NFXL1: variants seen among roughly 807,000 people sequenced by gnomAD.
NFXL1 encodes the protein nuclear transcription factor, X-box binding like 1.
A neutral mutation model predicts 123.3 loss-of-function variants in NFXL1; 66 were observed. The ratio of observed to expected loss-of-function variants is 0.54; its 90% CI spans 0.44 to 0.66. The LOEUF (loss-of-function observed/expected upper bound fraction) is 0.66, where lower values mean the gene tolerates loss of function less well. Among genes scored for constraint, NFXL1 ranks in the 30% least tolerant of loss-of-function variants. The probability of loss-of-function intolerance (pLI) is 0.00; values close to 1 mark genes in which losing one functional copy is unlikely to be tolerated. For missense variants in NFXL1, 944 were observed against 1,125.6 expected, an observed-to-expected ratio of 0.84 and a Z score of 2.31; for synonymous variants, 346 against 360.8, an observed-to-expected ratio of 0.96 and a Z score of 0.46.
intron 11 of NFXL1, among the ~76,000 whole-genome samples, chr4:47,891,079 C>A (rs924475783): frequency 1.3e-5 from 2 of 151,394 alleles, no homozygotes; most frequent in South Asian, 4.2e-4. Flanking sequence ...CGTATAGATT[C>A]ATTTGGCAGT....
chr4:47,862,172 G>T (rs1734805266), intron 19 of NFXL1, among the ~76,000 whole-genome samples: 1 of 152,162 alleles, frequency 6.6e-6, no homozygotes, highest in African/African-American at 2.4e-5. Flanking sequence ...TCACTAGTGA[G>T]TTTCTTTACC....
intron 12 of NFXL1, 42 bp downstream of exon 12, chr4:47,890,571 C>T (rs1736707299): frequency 9.3e-7 from 1 of 1,074,208 alleles, no homozygotes; most frequent in African/African-American, 1.6e-5. Flanking sequence ...AAAACCACTA[C>T]ATCACTACAA....
chr4:47,877,206 G>A (rs1488578181), intron 17 of NFXL1: 6 of 457,056 alleles, frequency 1.3e-5, no homozygotes, highest in Non-Finnish European at 2.6e-5. Context: ...AAAACAAAGA[G>A]TATACTTAGA....
rs1288593335 is a variant in NFXL1, at chr4:47,914,075, G to A, written c.129C>T (p.Gly43=). 2 of 1,550,020 alleles carry A rather than the reference G, an allele frequency of 1.3e-6. No individual in the cohort carries two copies. The highest frequency in any genetic ancestry group is 2.7e-5 in the African/African-American group (2 of 73,008). Reference sequence around the variant, plus strand: ...CGGGACTGGTGCCAGAAGGAACTGCGCCCACCGACCCCTTCTCTCGCCCTC... The same window carrying A: ...CGGGACTGGTGCCAGAAGGAACTGCACCCACCGACCCCTTCTCTCGCCCTC... ...AGGGREKGSV[G]AVPSGTSPGG... The change falls in exon 2 of 23, where the codon GGC becomes GGT. Residue 43 remains glycine (G), a synonymous_variant. Transcript: ENST00000507489.
intron 18 of NFXL1, among the ~76,000 whole-genome samples, chr4:47,874,827 A>T (rs970819391): frequency 6.6e-6 from 1 of 152,242 alleles, no homozygotes; most frequent in South Asian, 2.1e-4. Flanking sequence ...CTAATTTGAC[A>T]TAGTCAAACT....
intron 11 of NFXL1, among the ~76,000 whole-genome samples, chr4:47,891,755 G>A (rs1251549170): frequency 1.3e-5 from 2 of 152,030 alleles, no homozygotes; most frequent in Non-Finnish European, 2.9e-5. Context: ...TTATTAAAAA[G>A]CAATTAAGTC....
At chr4:47,910,642 GA>G (rs1426992534) in intron 3 of NFXL1, among the ~76,000 whole-genome samples, 181 bp downstream of exon 3, 1 of 152,092 alleles carries the variant, frequency 6.6e-6, no homozygotes, top group Non-Finnish European at 1.5e-5. Flanking sequence ...TTGCTTTATA[GA>G]AAAATTAGTG....
intron 19 of NFXL1, among the ~76,000 whole-genome samples, chr4:47,859,560 C>T (rs1047992456): frequency 6.6e-6 from 1 of 151,958 alleles, no homozygotes; most frequent in African/African-American, 2.4e-5. Context: ...GCAGAAATAC[C>T]GGCCAGGTGC....
At chr4:47,860,548 C>T (rs530190396) in intron 19 of NFXL1, among the ~76,000 whole-genome samples, 3 of 152,286 alleles carry the variant, frequency 2.0e-5, no homozygotes, top group South Asian at 2.1e-4. Flanking sequence ...ATGTGTACAA[C>T]CTGTGTAACA....
chr4:47,848,619 G>T (rs1339128395), intron 22 of NFXL1, among the ~76,000 whole-genome samples: 1 of 152,230 alleles, frequency 6.6e-6, no homozygotes, highest in Non-Finnish European at 1.5e-5. Context: ...GCCGGGCACG[G>T]TGGCTCACGC....
At chr4:47,859,055 C>G (rs949511940) in intron 19 of NFXL1, among the ~76,000 whole-genome samples, 7 of 152,118 alleles carry the variant, frequency 4.6e-5, no homozygotes, top group Admixed American at 1.3e-4. Flanking sequence ...GTTATCTTTA[C>G]TACAGATTTC....
intron 18 of NFXL1, among the ~76,000 whole-genome samples, chr4:47,863,872 G>GTC (rs1252461158): frequency 2.6e-5 from 4 of 152,128 alleles, no homozygotes; most frequent in African/African-American, 9.6e-5. Context: ...TATCACTTGC[G>GTC]TCTCACTTTT....
At chr4:47,876,932 A>G (rs56686194) in intron 17 of NFXL1, 164,338 of 422,368 alleles carry the variant, frequency 0.39, 33,987 homozygotes, top group Non-Finnish European at 0.44. Flanking sequence ...AAAAACGGTA[A>G]AATGACTTTC....
intron 5 of NFXL1, among the ~76,000 whole-genome samples, chr4:47,902,096 C>T (rs1046385442): frequency 6.6e-5 from 10 of 151,978 alleles, no homozygotes; most frequent in East Asian, 1.9e-4. Flanking sequence ...ACGGGAGAAT[C>T]GCTTGAACCC....
At position 47,885,675 on chromosome 4, in the gene NFXL1, A is replaced by C; in HGVS notation, c.1665-18T>G. ...GTGGTCGACTAAATCATAAAGTACAATTTTCAAAAATTACTTTTAGTCATT... is the reference window on the plus strand; with the variant it reads ...GTGGTCGACTAAATCATAAAGTACACTTTTCAAAAATTACTTTTAGTCATT... On this transcript the variant is annotated intron_variant, in intron 13 of 22. Transcript: ENST00000507489. 1.2e-6 allele frequency: 2 copies of C among 1,600,738 alleles called. No individual in the cohort carries two copies. The highest frequency in any genetic ancestry group is 1.7e-6 in the Non-Finnish European group (2 of 1,169,774).
chr4:47,861,647 T>C (rs563516614), intron 19 of NFXL1, among the ~76,000 whole-genome samples: 2 of 152,300 alleles, frequency 1.3e-5, no homozygotes, highest in African/African-American at 4.8e-5. Context: ...CAAGGGAAGT[T>C]CAGGATTTGA....
chr4:47,849,040 G>A (rs1322414275), intron 22 of NFXL1, among the ~76,000 whole-genome samples: 1 of 152,160 alleles, frequency 6.6e-6, no homozygotes, highest in Non-Finnish European at 1.5e-5. Flanking sequence ...CAAGTGCTGT[G>A]ATGCCTAGTG....
chr4:47,878,436 G>T, intron 17 of NFXL1, 89 bp downstream of exon 17: 2 of 1,067,574 alleles, frequency 1.9e-6, no homozygotes, highest in Non-Finnish European at 2.6e-6. Context: ...GGAAGCTAAA[G>T]CAAAACAGAA....
chr4:47,867,385 T>C (rs1735164755), intron 18 of NFXL1, among the ~76,000 whole-genome samples: 1 of 151,314 alleles, frequency 6.6e-6, no homozygotes, highest in African/African-American at 2.4e-5. Context: ...TCCTAGATGA[T>C]AAAAATGAGA....
Sources: gnomAD v4.1 joint callset for allele counts (sites outside exome capture counted in the v4.1 genomes callset) on GRCh38, gnomAD v4.1.1 for gene constraint, MANE v1.5 for transcripts, NCBI Gene and HGNC (gene_info 2026-07-23, HGNC 2026-07-21) for gene names.